Variants in NYAP2 observed in about 807,000 individuals in gnomAD.
NYAP2 encodes neuronal tyrosine-phosphorylated phosphoinositide-3-kinase adaptor 2, also known as neuronal tyrosine-phosphorylated phosphoinositide-3-kinase adapter 2.
In NYAP2, 23 loss-of-function variants were observed where a neutral mutation model predicts 50.4. That is an observed-to-expected ratio of 0.46 (90% CI 0.33 to 0.65). The LOEUF (loss-of-function observed/expected upper bound fraction) is 0.65, where lower values mean the gene tolerates loss of function less well. Among genes scored for constraint, NYAP2 ranks in the 30% least tolerant of loss-of-function variants. The pLI is 0.02. For synonymous variants in NYAP2, 394 were observed against 365.2 expected (o/e 1.08, Z -0.90); for missense variants, 885 against 861.0 (o/e 1.03, Z -0.35).
At chr2:225,538,262 A>C (rs1691385878) in intron 4 of NYAP2, among the ~76,000 whole-genome samples, 1 of 152,144 alleles carries the variant, frequency 6.6e-6, no homozygotes, top group Non-Finnish European at 1.5e-5. Flanking sequence ...TGGGGGCTCC[A>C]ACCCCACATT....
chr2:225,566,428 T>C lies in NYAP2; in HGVS notation c.524-15513T>C, dbSNP rs542620861. On this transcript the variant is annotated intron_variant, in intron 4 of 6. Transcript: ENST00000636099. ...GACTGTATCTATGAAACGGCAGGGA[T>C]TCAGCTTCTACAGAGTTGACTGCCC... Among the ~76,000 whole-genome samples the C allele has an allele frequency of 4.6e-5, 7 of 152,286 alleles. No homozygotes were observed. In the South Asian group the frequency reaches 1.5e-3, roughly 32 times the overall value.
the NYAP2 span, chr2:225,700,799 T>C: frequency 6.6e-6 from 1 of 151,828 alleles, no homozygotes; most frequent in Non-Finnish European, 1.5e-5. Flanking sequence ...GATGCGTATC[T>C]TTCCCATATC....
At chr2:225,458,172 T>C (rs183088479) in intron 3 of NYAP2, among the ~76,000 whole-genome samples, 1 of 152,224 alleles carries the variant, frequency 6.6e-6, no homozygotes, top group East Asian at 1.9e-4. Context: ...AAAATGAATC[T>C]CTTTTGTATT....
At chr2:225,451,799 T>C (rs1012691516) in intron 3 of NYAP2, among the ~76,000 whole-genome samples, 2 of 152,222 alleles carry the variant, frequency 1.3e-5, no homozygotes, top group Non-Finnish European at 2.9e-5. Context: ...ATTTCATTCA[T>C]TTGTACATTC....
the NYAP2 span, chr2:225,698,881 T>C: frequency 6.6e-6 from 1 of 152,084 alleles, no homozygotes; most frequent in Non-Finnish European, 1.5e-5. Flanking sequence ...TGGTTTGTTA[T>C]CTCTTTTATA....
At chr2:225,444,203 T>A (rs776254571) in intron 3 of NYAP2, among the ~76,000 whole-genome samples, 2 of 152,226 alleles carry the variant, frequency 1.3e-5, no homozygotes, top group African/African-American at 4.8e-5. Context: ...AGATTTGTTT[T>A]CTGTCTTCAT....
chr2:225,565,427 A>G (rs1228899071), intron 4 of NYAP2, among the ~76,000 whole-genome samples: 1 of 152,214 alleles, frequency 6.6e-6, no homozygotes, highest in Non-Finnish European at 1.5e-5. Context: ...GCAGAAGGAA[A>G]CTGACATATT....
intron 4 of NYAP2, among the ~76,000 whole-genome samples, chr2:225,532,603 A>G (rs1691276621): frequency 6.6e-6 from 1 of 152,224 alleles, no homozygotes; most frequent in Non-Finnish European, 1.5e-5. Flanking sequence ...GAACTTAGAG[A>G]AGCCAAACTC....
intron 4 of NYAP2, among the ~76,000 whole-genome samples, chr2:225,516,198 G>C (rs1378845422): frequency 6.6e-6 from 1 of 152,064 alleles, no homozygotes; most frequent in Admixed American, 6.6e-5. Flanking sequence ...GCTAGTTCCT[G>C]GGGCAGAGAG....
At chr2:225,430,618 C>G (rs1695352190) in intron 3 of NYAP2, among the ~76,000 whole-genome samples, 1 of 152,104 alleles carries the variant, frequency 6.6e-6, no homozygotes, top group Admixed American at 6.5e-5. Flanking sequence ...ATTATTAACT[C>G]CAGTCTACAG....
intron 4 of NYAP2, among the ~76,000 whole-genome samples, chr2:225,558,905 A>G (rs190318305): frequency 2.0e-5 from 3 of 152,152 alleles, no homozygotes; most frequent in Admixed American, 6.6e-5. Flanking sequence ...TTGACAAAGA[A>G]CTCCATACAT....
At chr2:225,579,482 T>C (rs1321632040) in intron 4 of NYAP2, among the ~76,000 whole-genome samples, 1 of 152,256 alleles carries the variant, frequency 6.6e-6, no homozygotes, top group Non-Finnish European at 1.5e-5. Flanking sequence ...TAGAAACTTC[T>C]GTTTCTTAAA....
At chr2:225,446,517 G>T (rs1689568237) in intron 3 of NYAP2, among the ~76,000 whole-genome samples, 1 of 151,894 alleles carries the variant, frequency 6.6e-6, no homozygotes, top group Admixed American at 6.6e-5. Context: ...GAAGTTGCAT[G>T]AAAGTTATAT....
chr2:225,643,385 AATTAATT>A (rs1693565314), intron 6 of NYAP2, among the ~76,000 whole-genome samples: 1 of 152,104 alleles, frequency 6.6e-6, no homozygotes. Context: ...ACAACTGGCA[AATTAATT>A]GTATAAAAAG....
intron 3 of NYAP2, among the ~76,000 whole-genome samples, chr2:225,409,787 T>C (rs1468390385): frequency 6.6e-6 from 1 of 152,110 alleles, no homozygotes; most frequent in Non-Finnish European, 1.5e-5. Flanking sequence ...TTAAAAAGAA[T>C]GTTACAATGT....
At chr2:225,628,134 C>A (rs1693242029) in intron 6 of NYAP2, among the ~76,000 whole-genome samples, 2 of 152,092 alleles carry the variant, frequency 1.3e-5, no homozygotes, top group Admixed American at 1.3e-4. Context: ...TAACTTGAAG[C>A]TTTGGTGGTA....
chr2:225,436,762 GAGA>G (rs1197393939), intron 3 of NYAP2, among the ~76,000 whole-genome samples: 5 of 146,398 alleles, frequency 3.4e-5, no homozygotes, highest in Admixed American at 1.4e-4. Context: ...AAAAAAAAGA[GAGA>G]AGAAGAAGAA....
At chr2:225,457,300 T>C (rs747397176) in intron 3 of NYAP2, among the ~76,000 whole-genome samples, 12 of 152,208 alleles carry the variant, frequency 7.9e-5, no homozygotes, top group Non-Finnish European at 1.6e-4. Context: ...TTAATGAAGC[T>C]CTCAGGTTTA....
chr2:225,612,116 G>T (rs1356396306), intron 5 of NYAP2, among the ~76,000 whole-genome samples: 1 of 147,004 alleles, frequency 6.8e-6, no homozygotes, highest in East Asian at 2.0e-4. Flanking sequence ...TACTGATCTA[G>T]TATGTGTCCC....
Sources: allele counts gnomAD v4.1 joint callset (sites outside exome capture counted in the v4.1 genomes callset), GRCh38; gene constraint gnomAD v4.1.1; transcripts MANE v1.5; gene names NCBI Gene and HGNC (gene_info 2026-07-23, HGNC 2026-07-21).